Variants in KCNQ5 observed in about 807,000 individuals in gnomAD.
The protein encoded by KCNQ5 is potassium voltage-gated channel subfamily Q member 5, also known as potassium voltage-gated channel subfamily KQT member 5.
Under a neutral mutation model 98.2 loss-of-function variants are expected in KCNQ5, and 30 were observed. The observed-to-expected ratio is 0.31, with a 90% CI of 0.23 to 0.41. The LOEUF is 0.41. Ranked by LOEUF, KCNQ5 falls within the 10% of genes least tolerant of loss-of-function variation. The pLI is 1.00. For missense variants in KCNQ5, 835 were observed against 1,182.5 expected, an observed-to-expected ratio of 0.71 and a Z score of 4.31; for synonymous variants, 458 against 449.4, an observed-to-expected ratio of 1.02 and a Z score of -0.24.
At chr6:72,920,534 T>C (rs540522091) in intron 1 of KCNQ5, among the ~76,000 whole-genome samples, 9 of 152,304 alleles carry the variant, frequency 5.9e-5, no homozygotes, top group Admixed American at 5.2e-4. Context: ...CATTAAAGCC[T>C]CTTTCTGAAG....
intron 1 of KCNQ5, among the ~76,000 whole-genome samples, chr6:72,980,352 T>C (rs1768377202): frequency 1.3e-5 from 2 of 152,246 alleles, no homozygotes; most frequent in East Asian, 1.9e-4. Flanking sequence ...TTTTATTTCA[T>C]TGAGCAGTGG....
chr6:72,899,742 ACC>A (rs1442660204), intron 1 of KCNQ5, among the ~76,000 whole-genome samples: 1 of 151,814 alleles, frequency 6.6e-6, no homozygotes, highest in Non-Finnish European at 1.5e-5. Context: ...ATTTTGGTGT[ACC>A]CATCACCAGA....
chr6:72,961,440 AC>A (rs779916062), intron 1 of KCNQ5, among the ~76,000 whole-genome samples: 1 of 151,558 alleles, frequency 6.6e-6, no homozygotes, highest in Non-Finnish European at 1.5e-5. Flanking sequence ...ACACGGTGAA[AC>A]CCCGTCTCTA....
At chr6:73,019,609 C>G (rs901896228) in intron 2 of KCNQ5, among the ~76,000 whole-genome samples, 2 of 152,128 alleles carry the variant, frequency 1.3e-5, no homozygotes, top group Non-Finnish European at 2.9e-5. Context: ...AACTTTTCTA[C>G]TCTCCTTTAT....
intron 3 of KCNQ5, among the ~76,000 whole-genome samples, chr6:73,045,234 G>A (rs1771907918): frequency 6.6e-6 from 1 of 152,118 alleles, no homozygotes; most frequent in Non-Finnish European, 1.5e-5. Context: ...ACATATTTGT[G>A]TTTGGAAAAC....
At chr6:72,809,534 G>A (rs1001326656) in intron 1 of KCNQ5, among the ~76,000 whole-genome samples, 2 of 151,524 alleles carry the variant, frequency 1.3e-5, no homozygotes, top group Non-Finnish European at 2.9e-5. Flanking sequence ...CCTGGGTGAT[G>A]GAGTGAGACT....
At chr6:72,732,345 G>C (rs893451737) in intron 1 of KCNQ5, among the ~76,000 whole-genome samples, 3 of 152,040 alleles carry the variant, frequency 2.0e-5, no homozygotes, top group African/African-American at 7.2e-5. Flanking sequence ...ATTGCACTGA[G>C]TCCCAAAGGA....
chr6:72,811,820 T>C (rs997830356), intron 1 of KCNQ5, among the ~76,000 whole-genome samples: 2 of 152,182 alleles, frequency 1.3e-5, no homozygotes, highest in African/African-American at 4.8e-5. Flanking sequence ...GTAAAGGGAA[T>C]GCAAGTTTCT....
At chr6:72,684,028 G>A (rs1484709850) in intron 1 of KCNQ5, among the ~76,000 whole-genome samples, 1 of 152,056 alleles carries the variant, frequency 6.6e-6, no homozygotes, top group Non-Finnish European at 1.5e-5. Flanking sequence ...TCAACACACA[G>A]GTCTTTTGAT....
At chr6:73,016,975 G>A (rs989460109) in intron 2 of KCNQ5, among the ~76,000 whole-genome samples, 1 of 151,948 alleles carries the variant, frequency 6.6e-6, no homozygotes, top group African/African-American at 2.4e-5. Flanking sequence ...TTTCCCACTT[G>A]GTCTCTGATC....
At chr6:72,843,418 A>T (rs1169434011) in intron 1 of KCNQ5, among the ~76,000 whole-genome samples, 1 of 152,196 alleles carries the variant, frequency 6.6e-6, no homozygotes, top group Admixed American at 6.5e-5. Context: ...AGGTAGCATG[A>T]TGCCTCCAGC....
intron 1 of KCNQ5, among the ~76,000 whole-genome samples, chr6:72,684,047 C>T (rs1393525317): frequency 6.6e-6 from 1 of 152,112 alleles, no homozygotes; most frequent in Admixed American, 6.5e-5. Flanking sequence ...ATTTCAAAAC[C>T]TACAAGAAAA....
rs529623201 is a variant in KCNQ5, at chr6:73,073,839, A to G, written c.617-3483A>G. Among the ~76,000 whole-genome samples, 13 of 152,330 alleles carry G rather than the reference A, an allele frequency of 8.5e-5. No homozygotes were observed. In the East Asian group the frequency reaches 2.5e-3, roughly 29 times the overall value. ...CAAAAAATATTTTAGACAATTAACT[A>G]ACTGCACAGCTTAAGCTACTCCCCC... On this transcript the variant is annotated intron_variant, in intron 3 of 13. Coordinates refer to ENST00000370398, the MANE Select transcript of KCNQ5 (RefSeq NM_019842.4).
At position 72,836,573 on chromosome 6, in the gene KCNQ5, G is replaced by C. The variant is rs1226289119; in HGVS notation, c.399-167335G>C. On this transcript the variant is annotated intron_variant, in intron 1 of 13. Coordinates refer to ENST00000370398, the MANE Select transcript of KCNQ5 (RefSeq NM_019842.4). ...CCCACCTCAGCCTCCCAAGTAGCTGGGACTACACATGTGCGCCACCACACT... is the reference window on the plus strand; with the variant it reads ...CCCACCTCAGCCTCCCAAGTAGCTGCGACTACACATGTGCGCCACCACACT... Among the ~76,000 whole-genome samples, 3 of 151,850 alleles carry C rather than the reference G, an allele frequency of 2.0e-5. No homozygotes were observed. The East Asian group carries it at 5.8e-4, about 29-fold the overall frequency.
chr6:73,055,146 AC>A, intron 3 of KCNQ5: 1 of 780,490 alleles, frequency 1.3e-6, no homozygotes, highest in Middle Eastern at 3.6e-4. Context: ...AGTGAGTGGA[AC>A]CTGGAGAACC....
At position 72,986,479 on chromosome 6, in the gene KCNQ5, A is replaced by G. The variant is rs138238142; in HGVS notation, c.399-17429A>G. On this transcript the variant is annotated intron_variant, in intron 1 of 13. Coordinates refer to ENST00000370398, the MANE Select transcript of KCNQ5 (RefSeq NM_019842.4). ...TTAAACAATGATGATTACTTTGCCA[A>G]TGTTTCTCCTATAAGAGCCACATCC... 4.1e-3 allele frequency: 2,015 copies of G among 494,380 alleles called. 18 individuals carry two copies. The highest frequency in any genetic ancestry group is 0.022 in the East Asian group (701 of 31,180). 30.6% of individuals were successfully genotyped at this position (494,380 alleles called of 1,614,324 possible). A position where few individuals can be genotyped will look rare whatever the true frequency, so the allele number is the denominator to read the frequency against.
intron 1 of KCNQ5, among the ~76,000 whole-genome samples, chr6:72,923,831 A>T (rs1780511064): frequency 6.6e-6 from 1 of 152,204 alleles, no homozygotes; most frequent in Non-Finnish European, 1.5e-5. Context: ...TTCACTTAGG[A>T]TTATTCTTTT....
At chr6:72,764,089 T>C (rs115534412) in intron 1 of KCNQ5, among the ~76,000 whole-genome samples, 3,799 of 152,018 alleles carry the variant, frequency 0.025, 154 homozygotes, top group African/African-American at 0.083. Flanking sequence ...AAAATCTACA[T>C]AGCCAAGTCA....
chr6:72,852,662 A>ATAT (rs1389810749), intron 1 of KCNQ5, among the ~76,000 whole-genome samples: 3 of 38,316 alleles, frequency 7.8e-5, no homozygotes, highest in Non-Finnish European at 1.6e-4. Context: ...TATATATATA[A>ATAT]ATGGCACTTA....
Sources: allele counts gnomAD v4.1 joint callset (sites outside exome capture counted in the v4.1 genomes callset), GRCh38; gene constraint gnomAD v4.1.1; transcripts MANE v1.5; gene names NCBI Gene and HGNC (gene_info 2026-07-23, HGNC 2026-07-21).